Variants in CEP128 observed in about 807,000 individuals in gnomAD.
CEP128 encodes the protein centrosomal protein 128kDa.
In CEP128, 132 loss-of-function variants were observed where a neutral mutation model predicts 156.7. The ratio of observed to expected loss-of-function variants is 0.84; its 90% CI spans 0.73 to 0.97. The LOEUF (loss-of-function observed/expected upper bound fraction) is 0.97, where lower values mean the gene tolerates loss of function less well. Among genes scored for constraint, CEP128 ranks in the 50% least tolerant of loss-of-function variants. CEP128 has a pLI of 0.00. For synonymous variants in CEP128, 469 were observed against 448.9 expected (o/e 1.04, Z -0.57); for missense variants, 1,252 against 1,281.9 (o/e 0.98, Z 0.36).
intron 19 of CEP128, among the ~76,000 whole-genome samples, chr14:80,716,350 T>C (rs1370123995): frequency 1.3e-5 from 2 of 152,172 alleles, no homozygotes; most frequent in African/African-American, 4.8e-5. Context: ...AGAAATCCCA[T>C]ATCACCCATC....
At chr14:80,513,936 A>G (rs914506338) in intron 23 of CEP128, among the ~76,000 whole-genome samples, 1 of 152,180 alleles carries the variant, frequency 6.6e-6, no homozygotes, top group Non-Finnish European at 1.5e-5. Context: ...CCAATCCTGA[A>G]GAGATTAACT....
At chr14:80,773,262 T>C (rs887266294) in intron 16 of CEP128, among the ~76,000 whole-genome samples, 1 of 152,178 alleles carries the variant, frequency 6.6e-6, no homozygotes, top group African/African-American at 2.4e-5. Flanking sequence ...CTTTATGGTG[T>C]TTGTGTTAGA....
chr14:80,539,330 A>C (rs1328687146), intron 21 of CEP128, among the ~76,000 whole-genome samples: 1 of 152,174 alleles, frequency 6.6e-6, no homozygotes, highest in Non-Finnish European at 1.5e-5. Context: ...CTGAGTCATG[A>C]GCATTGCCAG....
At position 80,867,348 on chromosome 14, in the gene CEP128, C is replaced by T. The variant is rs372397305; in HGVS notation, c.646-4475G>A. ...TCATTGCTCTACTCAGAATGGCATG[C>T]AATTTAAATCTTATGAATTGTTTAT... is the stretch of plus-strand genomic sequence containing the variant. On this transcript the variant is annotated intron_variant, in intron 8 of 24. Coordinates refer to ENST00000555265, the MANE Select transcript of CEP128 (RefSeq NM_152446.5). Among the ~76,000 whole-genome samples the T allele has an allele frequency of 2.0e-4, 31 of 152,212 alleles. 4 individuals carry two copies. Among genetic ancestry groups the T allele is most frequent in the Admixed American group, 8.5e-4 (13 of 15,278 alleles).
At chr14:80,730,327 C>T (rs1898215754) in intron 19 of CEP128, among the ~76,000 whole-genome samples, 1 of 152,154 alleles carries the variant, frequency 6.6e-6, no homozygotes, top group African/African-American at 2.4e-5. Flanking sequence ...GCTACATCTT[C>T]CCAACTGTAA....
chr14:80,630,331 G>T (rs1220035894), intron 19 of CEP128, among the ~76,000 whole-genome samples: 1 of 151,892 alleles, frequency 6.6e-6, no homozygotes, highest in East Asian at 1.9e-4. Context: ...AATTCTGTAA[G>T]TAAATTGAAT....
intron 8 of CEP128, among the ~76,000 whole-genome samples, chr14:80,877,540 GCA>G: frequency 6.6e-6 from 1 of 152,166 alleles, no homozygotes; most frequent in African/African-American, 2.4e-5. Context: ...ACAAGAAAAG[GCA>G]CACACACAAA....
intron 19 of CEP128, among the ~76,000 whole-genome samples, chr14:80,634,952 G>A (rs1010018126): frequency 1.3e-5 from 2 of 152,088 alleles, no homozygotes; most frequent in African/African-American, 4.8e-5. Flanking sequence ...TTATCAGTGT[G>A]CGTTCACCAT....
At chr14:80,938,875 T>A (rs1885989312) in intron 2 of CEP128, among the ~76,000 whole-genome samples, 2 of 152,200 alleles carry the variant, frequency 1.3e-5, no homozygotes, top group Non-Finnish European at 2.9e-5. Flanking sequence ...GTCCACTTAA[T>A]CCAAAAATGT....
chr14:80,807,390 G>A (rs114106332), intron 13 of CEP128, among the ~76,000 whole-genome samples: 3 of 152,040 alleles, frequency 2.0e-5, no homozygotes, highest in East Asian at 1.9e-4. Flanking sequence ...ACAGACACCC[G>A]CTCTCTGCAG....
downstream of CEP128, among the ~76,000 whole-genome samples, chr14:80,489,040 C>T (rs1421981557): frequency 1.3e-5 from 2 of 151,006 alleles, no homozygotes; most frequent in East Asian, 2.0e-4. Flanking sequence ...TGCTAAATGA[C>T]GAGTTAATGG....
intron 21 of CEP128, among the ~76,000 whole-genome samples, chr14:80,533,706 A>G (rs1320192168): frequency 1.3e-5 from 2 of 151,918 alleles, no homozygotes; most frequent in Non-Finnish European, 2.9e-5. Flanking sequence ...ACCAATCTTT[A>G]TACTTCCTCA....
chr14:80,831,991 C>T (rs1239302320), intron 12 of CEP128, among the ~76,000 whole-genome samples: 1 of 152,096 alleles, frequency 6.6e-6, no homozygotes, highest in Non-Finnish European at 1.5e-5. Context: ...TGGGAGGGAC[C>T]AAGTGGGAGG....
At chr14:80,827,881 T>C (rs911060234) in intron 13 of CEP128, among the ~76,000 whole-genome samples, 1 of 152,110 alleles carries the variant, frequency 6.6e-6, no homozygotes, top group Non-Finnish European at 1.5e-5. Context: ...GTAATCTCAG[T>C]TTTTGCAATT....
At chr14:80,480,709 T>A (rs746296035) in intron 14 of CEP128, among the ~76,000 whole-genome samples, 2 of 152,204 alleles carry the variant, frequency 1.3e-5, no homozygotes, top group Non-Finnish European at 2.9e-5. Flanking sequence ...TGCATGACTT[T>A]AACAGTACCC....
intron 2 of CEP128, among the ~76,000 whole-genome samples, chr14:80,948,543 G>C (rs1886394946): frequency 6.6e-6 from 1 of 152,176 alleles, no homozygotes; most frequent in South Asian, 2.1e-4. Context: ...AGGGGCTAGT[G>C]GAATGCTCCA....
intron 19 of CEP128, among the ~76,000 whole-genome samples, chr14:80,594,478 T>C (rs1298477712): frequency 6.6e-6 from 1 of 152,156 alleles, no homozygotes; most frequent in East Asian, 1.9e-4. Context: ...AAATGGGATC[T>C]AATTAAACTA....
At chr14:80,862,023 T>C (rs1887537183) in intron 9 of CEP128, among the ~76,000 whole-genome samples, 1 of 152,212 alleles carries the variant, frequency 6.6e-6, no homozygotes, top group Non-Finnish European at 1.5e-5. Context: ...GTAAATGTTA[T>C]ACAGAAATTC....
chr14:80,493,851 G>C (rs1887406170), downstream of CEP128, among the ~76,000 whole-genome samples: 1 of 152,194 alleles, frequency 6.6e-6, no homozygotes, highest in South Asian at 2.1e-4. Context: ...GGGCAGATGA[G>C]GGCCAGATGA....
Sources: allele counts gnomAD v4.1 joint callset (sites outside exome capture counted in the v4.1 genomes callset), GRCh38; gene constraint gnomAD v4.1.1; transcripts MANE v1.5; gene names NCBI Gene and HGNC (gene_info 2026-07-23, HGNC 2026-07-21).